The following ANTXR1 variants were observed in gnomAD, a reference collection of about 807,000 sequenced individuals.
ANTXR1 encodes the protein anthrax toxin receptor 1.
Under a neutral mutation model 78.1 loss-of-function variants are expected in ANTXR1, and 19 were observed. The ratio of observed to expected loss-of-function variants is 0.24; its 90% CI spans 0.17 to 0.36. The LOEUF (loss-of-function observed/expected upper bound fraction) is 0.36, where lower values mean the gene tolerates loss of function less well. Ranked by LOEUF, ANTXR1 falls within the 10% of genes least tolerant of loss-of-function variation. The probability of loss-of-function intolerance (pLI) is 1.00; values close to 1 mark genes in which losing one functional copy is unlikely to be tolerated. For missense variants in ANTXR1, 518 were observed against 718.6 expected, an observed-to-expected ratio of 0.72 and a Z score of 3.19; for synonymous variants, 273 against 260.5, an observed-to-expected ratio of 1.05 and a Z score of -0.46.
At chr2:69,143,669 G>A (rs758757075) in intron 12 of ANTXR1, among the ~76,000 whole-genome samples, 20 of 151,944 alleles carry the variant, frequency 1.3e-4, no homozygotes, top group Non-Finnish European at 2.6e-4. Flanking sequence ...TCCATCAGTC[G>A]CACAATATCA....
chr2:69,077,477 A>G lies in ANTXR1; in HGVS notation c.631A>G (p.Ile211Val). 1 of 1,614,190 alleles carries G rather than the reference A, an allele frequency of 6.2e-7. No homozygotes were observed. Among genetic ancestry groups the G allele is most frequent in the Non-Finnish European group, 8.5e-7 (1 of 1,180,022 alleles). The change falls in exon 8 of 18, where the codon ATC becomes GTC. Residue 211 changes from isoleucine to valine, a missense_variant. Coordinates refer to ENST00000303714, the MANE Select transcript of ANTXR1 (RefSeq NM_032208.3). ...TGACGGCTTTCAGGCTCTGCAAGGCATCATCCACTCAGTAAGTAGAGCTCT... is the reference window on the plus strand; with the variant it reads ...TGACGGCTTTCAGGCTCTGCAAGGCGTCATCCACTCAGTAAGTAGAGCTCT... The part of the protein sequence containing the change: ...VNDGFQALQG[I>V]IHSILKKSCI...
chr2:69,180,822 GAA>G (rs1674255506), intron 14 of ANTXR1, among the ~76,000 whole-genome samples: 1 of 152,198 alleles, frequency 6.6e-6, no homozygotes, highest in Non-Finnish European at 1.5e-5. Context: ...TTGATGGAAT[GAA>G]GAGACCGCGG....
intron 1 of ANTXR1, 134 bp from the exon 2 acceptor site, chr2:69,039,910 G>A: frequency 1.4e-6 from 1 of 722,028 alleles, no homozygotes; most frequent in South Asian, 1.5e-5. Flanking sequence ...AATTTCCAAA[G>A]TTACAGAAGT....
At chr2:69,109,584 C>A (rs1049395489) in intron 10 of ANTXR1, among the ~76,000 whole-genome samples, 1 of 152,152 alleles carries the variant, frequency 6.6e-6, no homozygotes, top group Non-Finnish European at 1.5e-5. Flanking sequence ...GGCAGCCTTT[C>A]AAATCTGTAG....
rs1676037129 is a variant in ANTXR1, at chr2:69,247,052, G to C, written c.*1567G>C. On this transcript the variant is annotated 3_prime_UTR_variant, in exon 18 of 18. Coordinates refer to ENST00000303714, the MANE Select transcript of ANTXR1 (RefSeq NM_032208.3). The stretch of plus-strand genomic sequence containing the variant: ...ACTTAGAACAGAGATATAAGGGCCT[G>C]GGATGCATTTATTTTATCAATACCA... 6.6e-6 allele frequency: 1 copy of C among 152,282 alleles called. No individual in the cohort carries two copies. Among genetic ancestry groups the C allele is most frequent in the South Asian group, 2.1e-4 (1 of 4,832 alleles). The allele number at this position is 152,282 out of a possible 1,614,324, so 9.4% of individuals were successfully genotyped here. A position where few individuals can be genotyped will look rare whatever the true frequency, so the allele number is the denominator to read the frequency against.
At chr2:69,070,561 A>G in intron 3 of ANTXR1, 86 bp from the exon 4 acceptor site, 4 of 1,219,878 alleles carry the variant, frequency 3.3e-6, no homozygotes, top group Non-Finnish European at 4.9e-6. Flanking sequence ...GTATCCACAG[A>G]GGTAAGAAGA....
At chr2:69,104,231 AC>A (rs1671732721) in intron 10 of ANTXR1, among the ~76,000 whole-genome samples, 1 of 151,960 alleles carries the variant, frequency 6.6e-6, no homozygotes, top group Non-Finnish European at 1.5e-5. Flanking sequence ...GAGCCACCAC[AC>A]CCAGCTCCTC....
intron 13 of ANTXR1, among the ~76,000 whole-genome samples, chr2:69,160,969 C>T (rs543808040): frequency 8.5e-5 from 13 of 152,280 alleles, no homozygotes; most frequent in South Asian, 6.2e-4. Context: ...TTGTGCCCTC[C>T]CTGGAGGCTG....
chr2:69,093,374 A>C (rs764621077), intron 9 of ANTXR1, among the ~76,000 whole-genome samples: 1 of 152,248 alleles, frequency 6.6e-6, no homozygotes, highest in Non-Finnish European at 1.5e-5. Context: ...AAAAGGAAAA[A>C]TCTCCACCAC....
At chr2:69,072,329 C>T (rs1262735220) in intron 5 of ANTXR1, among the ~76,000 whole-genome samples, 2 of 152,154 alleles carry the variant, frequency 1.3e-5, no homozygotes, top group Non-Finnish European at 2.9e-5. Flanking sequence ...AGTAGCATTT[C>T]TGTATCTCAG....
At chr2:69,061,749 C>G (rs2104166327) in intron 3 of ANTXR1, among the ~76,000 whole-genome samples, 1 of 152,202 alleles carries the variant, frequency 6.6e-6, no homozygotes, top group East Asian at 1.9e-4. Context: ...TCAAAGAGGA[C>G]TTTAAAAAAT....
chr2:69,067,839 G>C (rs971491020), intron 3 of ANTXR1, among the ~76,000 whole-genome samples: 1 of 152,218 alleles, frequency 6.6e-6, no homozygotes, highest in Non-Finnish European at 1.5e-5. Flanking sequence ...CTTGGTGGGG[G>C]ACACTGCTCT....
intron 12 of ANTXR1, among the ~76,000 whole-genome samples, chr2:69,138,578 T>C (rs560863956): frequency 1.4e-4 from 21 of 152,304 alleles, no homozygotes; most frequent in Admixed American, 8.5e-4. Context: ...TTCTCACCTA[T>C]ACATTAAGGC....
At chr2:69,111,695 T>C (rs533315550) in intron 10 of ANTXR1, among the ~76,000 whole-genome samples, 47 of 152,344 alleles carry the variant, frequency 3.1e-4, no homozygotes, top group African/African-American at 1.1e-3. Context: ...AAACTGAACA[T>C]CGGTCAGGAA....
chr2:69,071,568 T>G (rs1558514763), intron 4 of ANTXR1, among the ~76,000 whole-genome samples, 186 bp from the exon 5 acceptor site: 1 of 152,218 alleles, frequency 6.6e-6, no homozygotes, highest in East Asian at 1.9e-4. Context: ...AACTGTATAC[T>G]ACTTAAATGA....
chr2:69,181,704 A>T, intron 14 of ANTXR1, 82 bp from the exon 15 acceptor site: 1 of 1,312,586 alleles, frequency 7.6e-7, no homozygotes, highest in Non-Finnish European at 1.1e-6. Context: ...TATAAGCTCT[A>T]CTCCTAATCA....
intron 17 of ANTXR1, among the ~76,000 whole-genome samples, chr2:69,227,306 G>A (rs1675481314): frequency 6.6e-6 from 1 of 152,108 alleles, no homozygotes; most frequent in African/African-American, 2.4e-5. Context: ...ATAAGTCCAG[G>A]AAACAGTCCA....
At position 69,129,485 on chromosome 2, in the gene ANTXR1, G is replaced by A. The variant is rs145382876; in HGVS notation, c.951+4842G>A. Among the ~76,000 whole-genome samples, 192 of 152,298 alleles carry A rather than the reference G, an allele frequency of 1.3e-3. 1 individual carries two copies. Among genetic ancestry groups the A allele is most frequent in the African/African-American group, 4.4e-3 (184 of 41,552 alleles). Reference sequence around the variant, plus strand: ...GAGTGTATAATAGGCCGGGCGTGGTGTCTCACGCCTGTAATCCCAGCACTT... The same window carrying A: ...GAGTGTATAATAGGCCGGGCGTGGTATCTCACGCCTGTAATCCCAGCACTT... On this transcript the variant is annotated intron_variant, in intron 12 of 17. Transcript: ENST00000303714.
intron 8 of ANTXR1, among the ~76,000 whole-genome samples, chr2:69,088,746 C>T (rs1558533195): frequency 3.3e-5 from 5 of 152,192 alleles, no homozygotes; most frequent in East Asian, 3.9e-4. Context: ...CGCAAGAGAC[C>T]GAAAAGACTA....
Sources: allele counts gnomAD v4.1 joint callset (sites outside exome capture counted in the v4.1 genomes callset), GRCh38; gene constraint gnomAD v4.1.1; transcripts MANE v1.5; gene names NCBI Gene and HGNC (gene_info 2026-07-23, HGNC 2026-07-21).